The following ADARB1 variants were observed in gnomAD, a reference collection of about 807,000 sequenced individuals.
ADARB1 encodes double-stranded RNA-specific editase 1.
A neutral mutation model predicts 52.4 loss-of-function variants in ADARB1; 10 were observed. The ratio of observed to expected loss-of-function variants is 0.19; its 90% CI spans 0.12 to 0.32. The LOEUF is 0.32. ADARB1 is among the 10% of genes least tolerant of loss of function. The pLI is 1.00. For synonymous variants in ADARB1, 349 were observed against 371.1 expected (o/e 0.94, Z 0.68); for missense variants, 643 against 922.3 (o/e 0.70, Z 3.92).
chr21:45,223,894 C>T lies in ADARB1; in HGVS notation c.*1697C>T, dbSNP rs767736350. 6.2e-5 allele frequency: 61 copies of T among 985,366 alleles called. 1 individual carries two copies. The highest frequency in any genetic ancestry group is 7.1e-5 in the Non-Finnish European group (59 of 830,082). 61.0% of individuals were successfully genotyped at this position (985,366 alleles called of 1,614,324 possible). A position where few individuals can be genotyped will look rare whatever the true frequency, so the allele number is the denominator to read the frequency against. ...TTGTTGGGGACATGACCGGGTTCAG[C>T]GGCTAGAACATCTGCCCCACAGCAG... is the stretch of plus-strand genomic sequence containing the variant. On this transcript the variant is annotated 3_prime_UTR_variant, in exon 11 of 11. Coordinates refer to ENST00000348831, the MANE Select transcript of ADARB1 (RefSeq NM_001112.4).
At chr21:45,206,178 TACTTG>T (rs2146358678) in intron 9 of ADARB1, among the ~76,000 whole-genome samples, 1 of 152,370 alleles carries the variant, frequency 6.6e-6, no homozygotes, top group East Asian at 1.9e-4. Flanking sequence ...CTGTCTTCTG[TACTTG>T]AGCAAAGAGT....
chr21:45,163,639 C>G (rs576809990), intron 2 of ADARB1, among the ~76,000 whole-genome samples: 50 of 152,256 alleles, frequency 3.3e-4, no homozygotes, highest in Non-Finnish European at 5.6e-4. Context: ...ACAGCTCCAT[C>G]CACAGCAGCG....
At chr21:45,201,674 G>A (rs1033242662) in intron 8 of ADARB1, among the ~76,000 whole-genome samples, 3 of 152,204 alleles carry the variant, frequency 2.0e-5, no homozygotes, top group Admixed American at 2.0e-4. Flanking sequence ...TGTAAGTGCT[G>A]GGATAGGTCA....
At chr21:45,141,836 T>C (rs1056333408) in intron 2 of ADARB1, among the ~76,000 whole-genome samples, 1 of 151,774 alleles carries the variant, frequency 6.6e-6, no homozygotes, top group Non-Finnish European at 1.5e-5. Flanking sequence ...TTAGCATCCC[T>C]GGGTCGCCTT....
chr21:45,127,108 C>A (rs2088629416), intron 1 of ADARB1, among the ~76,000 whole-genome samples: 1 of 152,188 alleles, frequency 6.6e-6, no homozygotes, highest in Admixed American at 6.5e-5. Context: ...GCTTGTTCAG[C>A]TCATGCTCAC....
At position 45,200,496 on chromosome 21, in the gene ADARB1, G is replaced by A. The variant is rs1194534609; in HGVS notation, c.1566-4059G>A. ...CCATCCAGAGGAGGACCAGCAGCCT[G>A]TCTATTCAGAGTCGGCTATGGCAAG... On this transcript the variant is annotated intron_variant, in intron 8 of 10. Coordinates refer to ENST00000348831, the MANE Select transcript of ADARB1 (RefSeq NM_001112.4). This position sits in a 1 kb window ranked among gnomAD's most constrained non-coding sequence, Gnocchi z 5.0. Among the ~76,000 whole-genome samples the A allele has an allele frequency of 1.3e-5, 2 of 152,206 alleles. No individual in the cohort carries two copies. Among genetic ancestry groups the A allele is most frequent in the East Asian group, 3.9e-4 (2 of 5,194 alleles).
intron 9 of ADARB1, among the ~76,000 whole-genome samples, chr21:45,216,804 A>G (rs1294424029): frequency 6.6e-6 from 1 of 151,876 alleles, no homozygotes; most frequent in East Asian, 1.9e-4. Flanking sequence ...CAGGATTGAA[A>G]ATCTCTTAGT....
intron 2 of ADARB1, chr21:45,146,147 G>A (rs1465618912): frequency 3.4e-5 from 5 of 146,724 alleles, no homozygotes; most frequent in Non-Finnish European, 7.5e-5. Context: ...CCGTTCTGCC[G>A]GGATTACCTA....
At chr21:45,103,484 G>A (rs1429419390) in intron 1 of ADARB1, among the ~76,000 whole-genome samples, 4 of 151,740 alleles carry the variant, frequency 2.6e-5, no homozygotes, top group Admixed American at 2.6e-4. Context: ...CGGGGGTAAG[G>A]GGAGACAGTG....
At chr21:45,134,952 G>A (rs551890957) in intron 2 of ADARB1, 3 of 396,810 alleles carry the variant, frequency 7.6e-6, no homozygotes, top group Non-Finnish European at 1.5e-5. Context: ...GCCCAGGTGG[G>A]TCTCCTGGGG....
In ADARB1 at chr21:45,124,787, ATGTGTGTGTG is replaced by A. The variant is rs56113860; in HGVS notation, c.-219-3594_-219-3585del. ...AAATGGTGTGTGTGTGTGTGTGTGT[ATGTGTGTGTG>A]TGTGTGTGTGTGTGTGTGTGACAGG... On this transcript the variant is annotated intron_variant, in intron 1 of 10. Coordinates refer to ENST00000348831, the MANE Select transcript of ADARB1 (RefSeq NM_001112.4). 3.7e-5 allele frequency among the ~76,000 whole-genome samples: 5 copies of A among 135,810 alleles called. No individual in the cohort carries two copies. The East Asian group carries it at 8.2e-4, about 22-fold the overall frequency. The allele number at this position is 135,810 out of a possible 152,430, so 89.1% of individuals were successfully genotyped here. A position where few individuals can be genotyped will look rare whatever the true frequency, so the allele number is the denominator to read the frequency against.
At chr21:45,122,091 C>T (rs2088228594) in intron 1 of ADARB1, among the ~76,000 whole-genome samples, 1 of 152,194 alleles carries the variant, frequency 6.6e-6, no homozygotes, top group Non-Finnish European at 1.5e-5. Context: ...GTACTTGCTG[C>T]AGTAATTACT....
intron 2 of ADARB1, among the ~76,000 whole-genome samples, chr21:45,131,081 A>G (rs1392409616): frequency 1.3e-5 from 2 of 152,216 alleles, no homozygotes; most frequent in African/African-American, 4.8e-5. Context: ...ACCTTATATA[A>G]TTATAGCCAT....
chr21:45,197,096 C>T (rs1305205960), intron 8 of ADARB1, among the ~76,000 whole-genome samples: 1 of 152,122 alleles, frequency 6.6e-6, no homozygotes, highest in Non-Finnish European at 1.5e-5. Flanking sequence ...AAGAATCACT[C>T]AAACCCAGGA....
At chr21:45,213,528 C>T (rs1168567167) in intron 9 of ADARB1, among the ~76,000 whole-genome samples, 2 of 152,156 alleles carry the variant, frequency 1.3e-5, no homozygotes, top group Non-Finnish European at 2.9e-5. Flanking sequence ...TCAAAATTGT[C>T]TTAGTACTCC....
rs534715298 is a variant in ADARB1 at position 45,128,969 on chromosome 21, T to G, written c.-48+396T>G. On this transcript the variant is annotated intron_variant, in intron 2 of 10. Coordinates refer to ENST00000348831, the MANE Select transcript of ADARB1 (RefSeq NM_001112.4). This position sits in a 1 kb window ranked among gnomAD's most constrained non-coding sequence, Gnocchi z 4.6. The stretch of plus-strand genomic sequence containing the variant: ...CTTAGGAGTAATTAAAAGAAAATTT[T>G]CCTGTAATCCCAGCACATTGGGAGG... Among the ~76,000 whole-genome samples, 1 of 152,332 alleles carries G rather than the reference T, an allele frequency of 6.6e-6. No individual in the cohort carries two copies. Among genetic ancestry groups the G allele is most frequent in the South Asian group, 2.1e-4 (1 of 4,820 alleles).
At position 45,128,409 on chromosome 21, in the gene ADARB1, C is replaced by A. The variant is rs1307986819; in HGVS notation, c.-212C>A. Reference sequence around the variant, plus strand: ...AATCTCTCTGTTACACAGAGTGGAGCCTTTCAGGCTGGCATGGAGAGCTTA... The same window carrying A: ...AATCTCTCTGTTACACAGAGTGGAGACTTTCAGGCTGGCATGGAGAGCTTA... On this transcript the variant is annotated 5_prime_UTR_variant, in exon 2 of 11. Coordinates refer to ENST00000348831, the MANE Select transcript of ADARB1 (RefSeq NM_001112.4). The surrounding 1 kb of genome is among the most constrained non-coding windows in gnomAD (Gnocchi z 4.6). The A allele has an allele frequency of 6.6e-6, 1 of 152,168 alleles. No individual in the cohort carries two copies. Among genetic ancestry groups the A allele is most frequent in the East Asian group, 1.9e-4 (1 of 5,190 alleles). 9.4% of individuals were successfully genotyped at this position (152,168 alleles called of 1,614,324 possible).
At chr21:45,113,241 G>A (rs1275255888) in intron 1 of ADARB1, among the ~76,000 whole-genome samples, 1 of 151,960 alleles carries the variant, frequency 6.6e-6, no homozygotes, top group Non-Finnish European at 1.5e-5. Context: ...TGGCCAACAT[G>A]GTGAAACCCC....
chr21:45,075,683 T>C (rs1252097125), intron 1 of ADARB1, among the ~76,000 whole-genome samples: 2 of 152,214 alleles, frequency 1.3e-5, no homozygotes, highest in Non-Finnish European at 2.9e-5. Flanking sequence ...CTGAAACGTG[T>C]TGGAGTCCCG....
Sources: allele counts gnomAD v4.1 joint callset (sites outside exome capture counted in the v4.1 genomes callset), GRCh38; gene constraint gnomAD v4.1.1; non-coding constraint Gnocchi (gnomAD v3.1); transcripts MANE v1.5; gene names NCBI Gene and HGNC (gene_info 2026-07-23, HGNC 2026-07-21).